ATL3: variants seen among roughly 807,000 people sequenced by gnomAD.
The protein encoded by ATL3 is atlastin GTPase 3, also known as atlastin-3.
Under a neutral mutation model 69.5 loss-of-function variants are expected in ATL3, and 49 were observed. That is an observed-to-expected ratio of 0.71 (90% CI 0.56 to 0.89). The LOEUF is 0.89. Ranked by LOEUF, ATL3 falls within the 40% of genes least tolerant of loss-of-function variation. The pLI is 0.00. For synonymous variants in ATL3, 214 were observed against 224.1 expected, an observed-to-expected ratio of 0.95 and a Z score of 0.40; for missense variants, 606 against 645.7, an observed-to-expected ratio of 0.94 and a Z score of 0.67.
At chr11:63,651,033 T>A (rs897215872) in intron 5 of ATL3, among the ~76,000 whole-genome samples, 1 of 152,194 alleles carries the variant, frequency 6.6e-6, no homozygotes, top group African/African-American at 2.4e-5. Flanking sequence ...TCACTCACAT[T>A]CTGATGCTTT....
In ATL3 at chr11:63,644,277, G is replaced by A; in HGVS notation, c.619-16C>T. 1 of 1,512,310 alleles carries A rather than the reference G, an allele frequency of 6.6e-7. No individual in the cohort carries two copies. The highest frequency in any genetic ancestry group is 9.2e-7 in the Non-Finnish European group (1 of 1,092,020). The allele number at this position is 1,512,310 out of a possible 1,614,324, so 93.7% of individuals were successfully genotyped here. On this transcript the variant is annotated splice_polypyrimidine_tract_variant and intron_variant, in intron 6 of 12. Transcript: ENST00000398868. ...ACATCAGTGTCTATTTAAGAAAAGA[G>A]CGGAACATATTTTAACATGCATAAA...
chr11:63,636,441 T>A, intron 8 of ATL3, 107 bp from the exon 9 acceptor site: 1 of 1,480,082 alleles, frequency 6.8e-7, no homozygotes, highest in Non-Finnish European at 9.2e-7. Context: ...ACATTGGTTG[T>A]TAAAAGTGAG....
chr11:63,671,467 G>A, upstream of ATL3: 1 of 1,474,838 alleles, frequency 6.8e-7, no homozygotes, highest in East Asian at 2.9e-5. Flanking sequence ...CCAGAAGGTG[G>A]GGCACGCGGA....
chr11:63,629,718 T>C (rs1236738433), intron 12 of ATL3, among the ~76,000 whole-genome samples: 1 of 152,302 alleles, frequency 6.6e-6, no homozygotes, highest in African/African-American at 2.4e-5. Flanking sequence ...TGTGACCATG[T>C]CAATGTCCAA....
intron 10 of ATL3, among the ~76,000 whole-genome samples, chr11:63,635,315 A>T (rs1451478419): frequency 6.6e-6 from 1 of 152,190 alleles, no homozygotes; most frequent in Admixed American, 6.5e-5. Context: ...CCCAGTGAGG[A>T]GAGGCCATTT....
intron 8 of ATL3, among the ~76,000 whole-genome samples, chr11:63,642,389 T>A (rs1049414364): frequency 7.2e-5 from 11 of 152,214 alleles, no homozygotes; most frequent in African/African-American, 2.7e-4. Context: ...TTTTCTTGGA[T>A]CAACTAAATC....
intron 1 of ATL3, among the ~76,000 whole-genome samples, chr11:63,669,824 T>C (rs1940717464): frequency 1.3e-5 from 2 of 152,122 alleles, no homozygotes; most frequent in Middle Eastern, 6.8e-3. Context: ...GGCGGATGTC[T>C]ATAATCCCAG....
chr11:63,670,068 T>C (rs1373893827), intron 1 of ATL3, among the ~76,000 whole-genome samples: 1 of 152,150 alleles, frequency 6.6e-6, no homozygotes, highest in East Asian at 1.9e-4. Flanking sequence ...ATCGCGCCAT[T>C]GCACTCCAGC....
intron 1 of ATL3, among the ~76,000 whole-genome samples, chr11:63,660,956 A>G (rs1590743744): frequency 6.6e-6 from 1 of 152,038 alleles, no homozygotes; most frequent in East Asian, 1.9e-4. Flanking sequence ...GCTCACATTT[A>G]CAATCTCAGC....
intron 3 of ATL3, among the ~76,000 whole-genome samples, chr11:63,655,963 G>A (rs61928196): frequency 0.11 from 16,502 of 152,100 alleles, 1,045 homozygotes; most frequent in Middle Eastern, 0.16. Context: ...AGTGGCTCAC[G>A]CCTATAATCC....
At chr11:63,648,591 T>G (rs1379713235) in intron 5 of ATL3, among the ~76,000 whole-genome samples, 1 of 152,156 alleles carries the variant, frequency 6.6e-6, no homozygotes, top group Non-Finnish European at 1.5e-5. Flanking sequence ...GGGAGATCAC[T>G]TGAGGTCAGG....
Position 63,633,015 on chromosome 11 carries a change from G to A in ATL3, c.1107+11C>T. 6.2e-7 allele frequency: 1 copy of A among 1,612,112 alleles called. No homozygotes were observed. ...ATAGATATTTCAGAATAAGGCGTAT[G>A]TCCCACGTACCTCTTCCATGTTGTT... On this transcript the variant is annotated intron_variant, in intron 11 of 12. Coordinates refer to ENST00000398868, the MANE Select transcript of ATL3 (RefSeq NM_015459.5).
rs774044826 is a variant in ATL3, at chr11:63,630,153, C to G, written c.1540-748G>C. On this transcript the variant is annotated intron_variant, in intron 12 of 12. Transcript: ENST00000398868. Reference sequence around the variant, plus strand: ...GCCGACCAGGCGCAATAGCTCATGCCTATAATCCTAGCACTTTGGGAGGCC... The same window carrying G: ...GCCGACCAGGCGCAATAGCTCATGCGTATAATCCTAGCACTTTGGGAGGCC... Among the ~76,000 whole-genome samples, 8 of 151,840 alleles carry G rather than the reference C, an allele frequency of 5.3e-5. No homozygotes were observed. The Middle Eastern group carries it at 0.02, about 387-fold the overall frequency.
chr11:63,626,647 T>C lies in ATL3; in HGVS notation c.*2672A>G, dbSNP rs911099057. 2.0e-5 allele frequency: 3 copies of C among 152,192 alleles called. No individual in the cohort carries two copies. The highest frequency in any genetic ancestry group is 4.4e-5 in the Non-Finnish European group (3 of 68,032). 9.4% of individuals were successfully genotyped at this position (152,192 alleles called of 1,614,324 possible). A position where few individuals can be genotyped will look rare whatever the true frequency, so the allele number is the denominator to read the frequency against. On this transcript the variant is annotated 3_prime_UTR_variant, in exon 13 of 13. Coordinates refer to ENST00000398868, the MANE Select transcript of ATL3 (RefSeq NM_015459.5). ...AATGAGTTCCATATATTGTTAGGAT[T>C]GTGTAAAATTAAAAATGCCTGCATG...
intron 10 of ATL3, among the ~76,000 whole-genome samples, chr11:63,633,783 T>C (rs1307522825): frequency 1.3e-5 from 2 of 150,876 alleles, no homozygotes; most frequent in Admixed American, 6.6e-5. Flanking sequence ...TCCCAGCACT[T>C]TGGCACTTTG....
Position 63,659,220 on chromosome 11 carries a change from C to A in ATL3, c.79G>T (p.Val27Leu). The A allele has an allele frequency of 2.5e-6, 4 of 1,614,104 alleles. No individual in the cohort carries two copies. The highest frequency in any genetic ancestry group is 3.4e-6 in the Non-Finnish European group (4 of 1,180,026). Residue 27 changes from valine to leucine, a missense_variant, in exon 2 of 13, where the codon GTG (valine) becomes TTG (leucine). Transcript: ENST00000398868. The part of the protein sequence containing the change: ...DAMESSKPGP[V>L]QVVLVQKDQH... ...TCTTTCTGAACCAAAACAACCTGCA[C>A]TGGACCAGGCTTGCTGCTCTCCATG...
At chr11:63,645,848 A>G (rs1033801391) in intron 6 of ATL3, among the ~76,000 whole-genome samples, 15 of 151,734 alleles carry the variant, frequency 9.9e-5, no homozygotes, top group African/African-American at 3.6e-4. Context: ...GCTCACTGTA[A>G]CCTTCACCTA....
intron 12 of ATL3, among the ~76,000 whole-genome samples, chr11:63,630,224 C>G (rs1159770423): frequency 1.4e-5 from 2 of 146,546 alleles, no homozygotes; most frequent in Non-Finnish European, 3.0e-5. Flanking sequence ...ACCAGCCTAG[C>G]TAACATGGCA....
Position 63,627,259 on chromosome 11 carries a change from A to T in ATL3, c.*2060T>A, listed in dbSNP as rs1449521743. 1 of 152,226 alleles carries T rather than the reference A, an allele frequency of 6.6e-6. No homozygotes were observed. The highest frequency in any genetic ancestry group is 1.5e-5 in the Non-Finnish European group (1 of 68,024). The allele number at this position is 152,226 out of a possible 1,614,324, so 9.4% of individuals were successfully genotyped here. A position where few individuals can be genotyped will look rare whatever the true frequency, so the allele number is the denominator to read the frequency against. ...TTCAGAGAGATAAGAGGTCACCTGA[A>T]AATGCACCAACATTTCAGAAGCAAG... On this transcript the variant is annotated 3_prime_UTR_variant, in exon 13 of 13. Transcript: ENST00000398868.
Sources: allele counts gnomAD v4.1 joint callset (sites outside exome capture counted in the v4.1 genomes callset), GRCh38; gene constraint gnomAD v4.1.1; transcripts MANE v1.5; gene names NCBI Gene and HGNC (gene_info 2026-07-23, HGNC 2026-07-21).